The following NSD2 variants were observed in gnomAD, a reference collection of about 807,000 sequenced individuals.
NSD2 encodes the protein histone-lysine N-methyltransferase NSD2.
A neutral mutation model predicts 139.0 loss-of-function variants in NSD2; 12 were observed. The observed-to-expected ratio is 0.09, with a 90% CI of 0.06 to 0.14. The LOEUF (loss-of-function observed/expected upper bound fraction) is 0.14. Among genes scored for constraint, NSD2 ranks in the 10% least tolerant of loss-of-function variants. NSD2 has a pLI of 1.00. For synonymous variants in NSD2, 669 were observed against 648.7 expected, an observed-to-expected ratio of 1.03 and a Z score of -0.48; for missense variants, 1,155 against 1,745.0, an observed-to-expected ratio of 0.66 and a Z score of 6.02.
rs1293548481 is a variant in NSD2 at position 1,981,620 on chromosome 4, C to G, written c.*2711C>G. 1 of 376,656 alleles carries G rather than the reference C, an allele frequency of 2.7e-6. No homozygotes were observed. The highest frequency in any genetic ancestry group is 4.7e-6 in the Non-Finnish European group (1 of 212,650). The allele number at this position is 376,656 out of a possible 1,614,324, so 23.3% of individuals were successfully genotyped here. ...ACTCTTCAGGCACCTGAAGTGAGAA[C>G]CCAGCTGTCCGTCCTCAGGCCGGCC... is the stretch of plus-strand genomic sequence containing the variant. On this transcript the variant is annotated 3_prime_UTR_variant, in exon 22 of 22. Coordinates refer to ENST00000508803, the MANE Select transcript of NSD2 (RefSeq NM_001042424.3).
intron 7 of NSD2, among the ~76,000 whole-genome samples, chr4:1,938,209 G>T (rs1191312524): frequency 6.6e-6 from 1 of 152,146 alleles, no homozygotes; most frequent in Non-Finnish European, 1.5e-5. Flanking sequence ...TGCGAAGAAA[G>T]AATCAGTCCA....
Position 1,978,858 on chromosome 4 carries a change from G to A in NSD2, c.4047G>A (p.Lys1349=), listed in dbSNP as rs746770939. The stretch of plus-strand genomic sequence containing the variant: ...CCCCCCCAGAGCCAGGGAAGCCGAA[G>A]GGGAAGAGGCGGCGGCGGAGGGGCT... ...EKPPPEPGKP[K]GKRRRRRGWR... is the part of the protein sequence containing the mutation. Residue 1349 remains lysine, a synonymous_variant, in exon 22 of 22, where the codon AAG becomes AAA. Transcript: ENST00000508803. 2.5e-6 allele frequency: 4 copies of A among 1,599,664 alleles called. No individual in the cohort carries two copies. In the African/African-American group the frequency reaches 5.4e-5, roughly 21 times the overall value.
At chr4:1,906,133 A>G (rs1349707477) in intron 3 of NSD2, among the ~76,000 whole-genome samples, 1 of 152,102 alleles carries the variant, frequency 6.6e-6, no homozygotes, top group East Asian at 1.9e-4. Context: ...GTCTGGGGAT[A>G]TTTACTTATT....
At chr4:1,937,789 C>T (rs560372868) in intron 7 of NSD2, among the ~76,000 whole-genome samples, 31 of 152,294 alleles carry the variant, frequency 2.0e-4, no homozygotes, top group African/African-American at 7.0e-4. Context: ...CAGCGCTGCT[C>T]TAGTGCTATG....
intron 5 of NSD2, among the ~76,000 whole-genome samples, chr4:1,925,318 A>G (rs1720722235): frequency 1.3e-5 from 2 of 148,888 alleles, no homozygotes; most frequent in South Asian, 4.3e-4. Flanking sequence ...TAGGGTCCCT[A>G]GATGTAAGGC....
At chr4:1,884,179 T>A (rs1714910575) in intron 1 of NSD2, among the ~76,000 whole-genome samples, 1 of 151,884 alleles carries the variant, frequency 6.6e-6, no homozygotes, top group Admixed American at 6.6e-5. Flanking sequence ...CACTGCAACC[T>A]CTGCCTCCTG....
chr4:1,959,314 C>G (rs1016077186), intron 16 of NSD2, among the ~76,000 whole-genome samples, 157 bp from the exon 17 acceptor site: 2 of 152,040 alleles, frequency 1.3e-5, no homozygotes, highest in Non-Finnish European at 1.5e-5. Flanking sequence ...CCTCTGGGAT[C>G]TGGGGAGGGC....
chr4:1,920,788 C>T (rs963140306), intron 5 of NSD2, among the ~76,000 whole-genome samples: 2 of 151,760 alleles, frequency 1.3e-5, no homozygotes, highest in African/African-American at 4.8e-5. Flanking sequence ...CATCCCAGCA[C>T]TTTGGGAGGG....
At chr4:1,875,549 G>C (rs1034103272) in intron 1 of NSD2, among the ~76,000 whole-genome samples, 1 of 152,070 alleles carries the variant, frequency 6.6e-6, no homozygotes, top group East Asian at 1.9e-4. Context: ...TGCCTGGCCT[G>C]CAGTATAGCT....
chr4:1,929,660 C>G (rs1432348077), intron 5 of NSD2, among the ~76,000 whole-genome samples: 1 of 152,168 alleles, frequency 6.6e-6, no homozygotes, highest in African/African-American at 2.4e-5. Context: ...TTTGAATTTC[C>G]TGTAATTTTT....
chr4:1,875,261 G>T (rs1183856830), intron 1 of NSD2, among the ~76,000 whole-genome samples: 1 of 150,442 alleles, frequency 6.6e-6, no homozygotes, highest in African/African-American at 2.4e-5. Flanking sequence ...GCCCGGCCAA[G>T]TTGCAGTATA....
chr4:1,938,321 T>TA, intron 7 of NSD2, 130 bp from the exon 8 acceptor site: 1 of 734,974 alleles, frequency 1.4e-6, no homozygotes, highest in Non-Finnish European at 2.0e-6. Context: ...CAGCAACCTG[T>TA]GTTCATTCAC....
chr4:1,948,248 A>G lies in NSD2; in HGVS notation c.1882-2824A>G. 9.4e-7 allele frequency: 1 copy of G among 1,064,870 alleles called. No homozygotes were observed. Among genetic ancestry groups the G allele is most frequent in the South Asian group, 4.6e-5 (1 of 21,958 alleles). The allele number at this position is 1,064,870 out of a possible 1,614,324, so 66.0% of individuals were successfully genotyped here. A position where few individuals can be genotyped will look rare whatever the true frequency, so the allele number is the denominator to read the frequency against. On this transcript the variant is annotated intron_variant, in intron 9 of 21. Transcript: ENST00000508803. This position sits in a 1 kb window ranked among gnomAD's most constrained non-coding sequence, Gnocchi z 4.5. ...GAAACAACGGGAAAGTTCTTGACAG[A>G]GTCTGTGTCCGCTCAGTCCCTGCAC...
At chr4:1,943,807 A>T in intron 9 of NSD2, 1 of 1,062,220 alleles carries the variant, frequency 9.4e-7, no homozygotes, top group East Asian at 5.1e-5. Flanking sequence ...CAGTCACCCA[A>T]AGTAAAGACT....
In NSD2 at chr4:1,975,022, C is replaced by T. The variant is rs1192808398; in HGVS notation, c.3514+18C>T. On this transcript the variant is annotated intron_variant, in intron 19 of 21. Transcript: ENST00000508803. ...TCCTGCAGGTACAAGCTCTGGGGAC[C>T]CTGCATGGGGCTCCTGGCTATGGGG... 1.9e-6 allele frequency: 3 copies of T among 1,613,764 alleles called. No individual in the cohort carries two copies. In the Admixed American group the frequency reaches 5.0e-5, roughly 27 times the overall value.
intron 3 of NSD2, among the ~76,000 whole-genome samples, chr4:1,905,995 T>C (rs1005084894): frequency 6.6e-6 from 1 of 152,144 alleles, no homozygotes; most frequent in Admixed American, 6.5e-5. Flanking sequence ...CATGGGTGTG[T>C]GTGAGGGGCT....
intron 5 of NSD2, among the ~76,000 whole-genome samples, chr4:1,919,777 CA>C (rs924352435): frequency 2.0e-5 from 3 of 150,740 alleles, no homozygotes; most frequent in South Asian, 2.1e-4. Context: ...ACTAAAAATA[CA>C]AAAAAAAATT....
rs746125492 is a variant in NSD2 at position 1,957,967 on chromosome 4, T to A, written c.2916T>A (p.Ile972=). 6.2e-7 allele frequency: 1 copy of A among 1,614,216 alleles called. No individual in the cohort carries two copies. The highest frequency in any genetic ancestry group is 8.5e-7 in the Non-Finnish European group (1 of 1,180,030). The change falls in exon 16 of 22, where the codon ATT becomes ATA. Residue 972 remains isoleucine (I), a synonymous_variant. Transcript: ENST00000508803. Reference sequence around the variant, plus strand: ...AAGCTGAAGCTCGTTTTCGTGAAATTAAGCTTCAGAGGGAAGCCCGAGAAA... The same window carrying A: ...AAGCTGAAGCTCGTTTTCGTGAAATAAAGCTTCAGAGGGAAGCCCGAGAAA... ...LQEAEARFRE[I]KLQREARETQ...
intron 5 of NSD2, among the ~76,000 whole-genome samples, chr4:1,927,542 A>AC (rs1721077720): frequency 6.6e-6 from 1 of 151,780 alleles, no homozygotes; most frequent in African/African-American, 2.4e-5. Flanking sequence ...ACATGGTGAA[A>AC]CCCCCATCTC....
Sources: gnomAD v4.1 joint callset for allele counts (sites outside exome capture counted in the v4.1 genomes callset) on GRCh38, gnomAD v4.1.1 for gene constraint, Gnocchi (gnomAD v3.1) non-coding constraint, MANE v1.5 for transcripts, NCBI Gene and HGNC (gene_info 2026-07-23, HGNC 2026-07-21) for gene names.